Variants in GNAT2 observed in about 807,000 individuals in gnomAD.
The protein encoded by GNAT2 is guanine nucleotide-binding protein G(t) subunit alpha-2.
In GNAT2, 32 loss-of-function variants were observed where a neutral mutation model predicts 40.9. That is an observed-to-expected ratio of 0.78 (90% CI 0.59 to 1.05). The LOEUF is 1.05. Among genes scored for constraint, GNAT2 ranks in the 50% least tolerant of loss-of-function variants. The probability of loss-of-function intolerance (pLI) is 0.00; values close to 1 mark genes in which losing one functional copy is unlikely to be tolerated. For missense variants in GNAT2, 355 were observed against 431.5 expected (o/e 0.82, Z 1.57); for synonymous variants, 141 against 157.2 (o/e 0.90, Z 0.77).
chr1:109,610,893 G>A (rs1649772974), intron 2 of GNAT2: 1 of 331,070 alleles, frequency 3.0e-6, no homozygotes, highest in African/African-American at 2.1e-5. Flanking sequence ...GATTCAGGGG[G>A]AGTCCTTTAA....
intron 7 of GNAT2, 138 bp downstream of exon 7, chr1:109,605,832 T>G: frequency 9.0e-6 from 7 of 780,882 alleles, no homozygotes; most frequent in Non-Finnish European, 1.6e-5. Flanking sequence ...ATTATTTGCA[T>G]GAGACATTGA....
chr1:109,612,676 G>T, intron 2 of GNAT2, 77 bp downstream of exon 2: 1 of 874,514 alleles, frequency 1.1e-6, no homozygotes, highest in Non-Finnish European at 2.0e-6. Flanking sequence ...CCCATGGGGT[G>T]AGGTAGAACC....
intron 7 of GNAT2, chr1:109,605,628 T>G (rs1649570183): frequency 2.9e-6 from 1 of 346,580 alleles, no homozygotes; most frequent in African/African-American, 2.1e-5. Context: ...TTAGGCAATT[T>G]GGGAGAGTAC....
At chr1:109,610,374 GA>G (rs1229867581) in intron 3 of GNAT2, 90 bp downstream of exon 3, 5 of 1,340,376 alleles carry the variant, frequency 3.7e-6, no homozygotes, top group Non-Finnish European at 5.4e-6. Context: ...TGGGCTCCTT[GA>G]GGCTAAAGAG....
chr1:109,618,510 TAAG>T (rs1447722521), intron 1 of GNAT2, among the ~76,000 whole-genome samples: 9 of 152,224 alleles, frequency 5.9e-5, no homozygotes, highest in African/African-American at 1.7e-4. Context: ...GGTCAAATAA[TAAG>T]AACCTTTTTG....
At position 109,603,795 on chromosome 1, in the gene GNAT2, A is replaced by G. The variant is rs527398031; in HGVS notation, c.874+156T>C. On this transcript the variant is annotated intron_variant, in intron 8 of 8. Coordinates refer to ENST00000679935, the MANE Select transcript of GNAT2 (RefSeq NM_001377295.2). ...TGAAGTCAGTGGCTCTCCTGCATCT[A>G]ATGCCTGCTGTATTCCAGAGTATCT... The G allele has an allele frequency of 7.1e-6, 5 of 701,244 alleles. No homozygotes were observed. In the East Asian group the frequency reaches 1.3e-4, roughly 19 times the overall value. The allele number at this position is 701,244 out of a possible 1,614,324, so 43.4% of individuals were successfully genotyped here. A position where few individuals can be genotyped will look rare whatever the true frequency, so the allele number is the denominator to read the frequency against.
In GNAT2 at chr1:109,610,470, C is replaced by G. The variant is rs1473495219; in HGVS notation, c.156G>C (p.Gln52His). 1.2e-6 allele frequency: 2 copies of G among 1,613,754 alleles called. No homozygotes were observed. The highest frequency in any genetic ancestry group is 2.7e-5 in the African/African-American group (2 of 74,916). Residue 52 changes from glutamine to histidine, a missense_variant, in exon 3 of 9, where the codon CAG becomes CAC. By Grantham distance (24) the Gln-to-His change is conservative. Transcript: ENST00000679935. ...GESGKSTIVK[Q>H]MKIIHQDGYS... ...GGGGCTTTGTTTCTACTCACTTCAT[C>G]TGTTTGACGATGGTGCTCTTTCCTG...
chr1:109,618,957 A>G (rs1650041326), intron 1 of GNAT2, among the ~76,000 whole-genome samples: 1 of 152,220 alleles, frequency 6.6e-6, no homozygotes, highest in Non-Finnish European at 1.5e-5. Flanking sequence ...AAACAGCATT[A>G]GAACAACTGG....
rs1649501309 is a variant in GNAT2, at chr1:109,603,598, G to A, written c.875-54C>T. ...TAGAATAAATGAACCCTTGTTAGTT[G>A]CTGACTCACTTTAGGTGATTGACTT... is the stretch of plus-strand genomic sequence containing the variant. On this transcript the variant is annotated intron_variant, in intron 8 of 8. Coordinates refer to ENST00000679935, the MANE Select transcript of GNAT2 (RefSeq NM_001377295.2). 4.3e-6 allele frequency: 5 copies of A among 1,168,238 alleles called. No individual in the cohort carries two copies. In the Admixed American group the frequency reaches 6.7e-5, roughly 16 times the overall value. 72.4% of individuals were successfully genotyped at this position (1,168,238 alleles called of 1,614,324 possible).
Position 109,608,743 on chromosome 1 carries a change from C to T in GNAT2, c.349G>A (p.Gly117Arg), listed in dbSNP as rs147269835. 6.1e-5 allele frequency: 99 copies of T among 1,613,950 alleles called. No homozygotes were observed. The African/African-American group carries it at 9.3e-4, about 15-fold the overall frequency. ...LNNLADSIEE[G>R]TMPPELVEVI... ...TCCACGAGCTCAGGAGGCATGGTTCCCTCCTCAATGGAGTCAGCCAGGTTG... is the reference window on the plus strand; with the variant it reads ...TCCACGAGCTCAGGAGGCATGGTTCTCTCCTCAATGGAGTCAGCCAGGTTG... Residue 117 changes from glycine to arginine, a missense_variant, in exon 5 of 9, where the codon GGA becomes AGA. By Grantham distance (125) the Gly-to-Arg change is moderately radical (BLOSUM62 -2). Transcript: ENST00000679935.
Position 109,610,184 on chromosome 1 carries a change from G to T in GNAT2, c.162-3C>A. 1.2e-6 allele frequency: 2 copies of T among 1,613,926 alleles called. No individual in the cohort carries two copies. The highest frequency in any genetic ancestry group is 2.2e-5 in the South Asian group (2 of 91,074). Reference sequence around the variant, plus strand: ...AATAGCCATCCTGGTGAATGATCCTGCAAGGGGCAGACACTCTGTCTTTAG... The same window carrying T: ...AATAGCCATCCTGGTGAATGATCCTTCAAGGGGCAGACACTCTGTCTTTAG... On this transcript the variant is annotated splice_polypyrimidine_tract_variant and splice_region_variant and intron_variant, in intron 3 of 8. Transcript: ENST00000679935.
chr1:109,613,503 T>G (rs888034484), intron 1 of GNAT2: 1 of 162,512 alleles, frequency 6.2e-6, no homozygotes, highest in Non-Finnish European at 1.4e-5. Flanking sequence ...TGGCTGCTGC[T>G]CCAGGAAGCT....
At chr1:109,615,246 T>A (rs1649917039) in intron 1 of GNAT2, 1 of 152,230 alleles carries the variant, frequency 6.6e-6, no homozygotes, top group African/African-American at 2.4e-5. Context: ...GGCGCATGCC[T>A]GTAATCCCAG....
chr1:109,606,081 C>A lies in GNAT2; in HGVS notation c.609G>T (p.Gly203=), dbSNP rs551776784. Residue 203 remains glycine (G), a synonymous_variant, in exon 7 of 9, where the codon GGG becomes GGT. Transcript: ENST00000679935. ...TCCACTTCTTTCTCTCGGATCTCTGCCCTCCCACATCAAACATCCTGAGGG... is the reference window on the plus strand; with the variant it reads ...TCCACTTCTTTCTCTCGGATCTCTGACCTCCCACATCAAACATCCTGAGGG... ...DLNFRMFDVG[G]QRSERKKWIH... is the part of the protein sequence containing the mutation. The A allele has an allele frequency of 3.4e-5, 55 of 1,614,010 alleles. No individual in the cohort carries two copies. The Admixed American group carries it at 7.0e-4, about 21-fold the overall frequency.
intron 4 of GNAT2, 99 bp from the exon 5 acceptor site, chr1:109,608,887 G>A (rs1570564350): frequency 1.1e-6 from 1 of 912,752 alleles, no homozygotes; most frequent in East Asian, 2.5e-5. Context: ...ACATTACTAC[G>A]AAGACCTAAG....
At chr1:109,615,277 G>C (rs1460860773) in intron 1 of GNAT2, 1 of 152,224 alleles carries the variant, frequency 6.6e-6, no homozygotes, top group African/African-American at 2.4e-5. Flanking sequence ...GGCTGAGGTG[G>C]GTGGATGACC....
chr1:109,611,768 C>T (rs17595368), intron 2 of GNAT2: 19,889 of 152,226 alleles, frequency 0.13, 1,501 homozygotes, highest in South Asian at 0.2. Context: ...ATCTCTGTTT[C>T]CCCCTGCGTA....
intron 1 of GNAT2, chr1:109,616,210 A>G (rs775080628): frequency 6.6e-6 from 1 of 152,176 alleles, no homozygotes; most frequent in Non-Finnish European, 1.5e-5. Context: ...CACATTTACG[A>G]ACAGTTTCCT....
chr1:109,603,452 T>A lies in GNAT2; in HGVS notation c.967A>T (p.Met323Leu), dbSNP rs1476110210. 1 of 1,596,764 alleles carries A rather than the reference T, an allele frequency of 6.3e-7. No homozygotes were observed. The highest frequency in any genetic ancestry group is 2.2e-5 in the East Asian group (1 of 44,786). Residue 323 changes from methionine to leucine, a missense_variant, in exon 9 of 9, where the codon ATG becomes TTG. Physicochemically the swap from Met to Leu is conservative, Grantham distance 15 (BLOSUM62 2). Transcript: ENST00000679935. ...RKDVKEIYSH[M>L]TCATDTQNVK... ...TTCTGTGTATCTGTAGCACAGGTCATGTGACTGTAGATTTCTTTGACATCT... is the reference window on the plus strand; with the variant it reads ...TTCTGTGTATCTGTAGCACAGGTCAAGTGACTGTAGATTTCTTTGACATCT...
Sources: allele counts gnomAD v4.1 joint callset (sites outside exome capture counted in the v4.1 genomes callset), GRCh38; gene constraint gnomAD v4.1.1; transcripts MANE v1.5; gene names NCBI Gene and HGNC (gene_info 2026-07-23, HGNC 2026-07-21).